The following SLC5A4 variants were observed in gnomAD, a reference collection of about 807,000 sequenced individuals.
SLC5A4 encodes the protein probable glucose sensor protein SLC5A4.
Under a neutral mutation model 70.3 loss-of-function variants are expected in SLC5A4, and 55 were observed. That is an observed-to-expected ratio of 0.78 (90% CI 0.63 to 0.98). SLC5A4 has a LOEUF of 0.98. Among genes scored for constraint, SLC5A4 ranks in the 50% least tolerant of loss-of-function variants. The pLI is 0.00. For missense variants in SLC5A4, 735 were observed against 839.2 expected (o/e 0.88, Z 1.53); for synonymous variants, 268 against 305.7 (o/e 0.88, Z 1.29).
the SLC5A4 span, among the ~76,000 whole-genome samples, chr22:32,302,204 C>T: frequency 2.6e-5 from 4 of 151,556 alleles, no homozygotes; most frequent in South Asian, 8.3e-4. Context: ...AATGTCTCTT[C>T]ATGTCTACTT....
the SLC5A4 span, among the ~76,000 whole-genome samples, chr22:32,336,300 T>C: frequency 6.6e-6 from 1 of 152,236 alleles, no homozygotes; most frequent in East Asian, 1.9e-4. Flanking sequence ...GCCTCTGAGC[T>C]GGAGGCGTAT....
upstream of SLC5A4, among the ~76,000 whole-genome samples, chr22:32,258,229 T>C (rs1429851391): frequency 1.3e-5 from 2 of 152,198 alleles, no homozygotes; most frequent in East Asian, 3.8e-4. Context: ...TCTCATGTCA[T>C]CTGTGAATAG....
the SLC5A4 span, among the ~76,000 whole-genome samples, chr22:32,341,756 T>C: frequency 6.6e-6 from 1 of 152,244 alleles, no homozygotes; most frequent in Non-Finnish European, 1.5e-5. Context: ...CTTCTGCTAA[T>C]GCACTCTGCC....
At chr22:32,258,500 A>T (rs780363376), upstream of SLC5A4, among the ~76,000 whole-genome samples, 2 of 152,158 alleles carry the variant, frequency 1.3e-5, no homozygotes, top group Non-Finnish European at 2.9e-5. Context: ...AACGTCACTA[A>T]TCGTCGGGAA....
the SLC5A4 span, among the ~76,000 whole-genome samples, chr22:32,333,695 A>G: frequency 1.3e-5 from 2 of 151,924 alleles, no homozygotes; most frequent in East Asian, 1.9e-4. Flanking sequence ...TGCTTCCCCA[A>G]CGTCCTTTCT....
chr22:32,243,365 G>C (rs1926642463), intron 5 of SLC5A4, among the ~76,000 whole-genome samples: 1 of 152,176 alleles, frequency 6.6e-6, no homozygotes. Context: ...AGTGAATGTA[G>C]TACCTGACCC....
chr22:32,340,319 T>G, the SLC5A4 span, among the ~76,000 whole-genome samples: 6 of 152,188 alleles, frequency 3.9e-5, no homozygotes, highest in Non-Finnish European at 8.8e-5. Context: ...TCTAGGTGCC[T>G]TCTGTGCACA....
chr22:32,300,692 A>G, the SLC5A4 span, among the ~76,000 whole-genome samples: 3 of 152,218 alleles, frequency 2.0e-5, no homozygotes, highest in Non-Finnish European at 4.4e-5. Context: ...TTCATTAAGC[A>G]TAATATCTGG....
the SLC5A4 span, among the ~76,000 whole-genome samples, chr22:32,323,168 T>A: frequency 1.3e-5 from 2 of 152,114 alleles, no homozygotes; most frequent in Admixed American, 1.3e-4. Flanking sequence ...AGCTTACAGC[T>A]TAGCTCTGTC....
At chr22:32,286,328 G>A in the SLC5A4 span, among the ~76,000 whole-genome samples, 42,916 of 151,984 alleles carry the variant, frequency 0.28, 6,120 homozygotes, top group African/African-American at 0.32. Context: ...AGTGTACAAC[G>A]CTATTTCTGG....
chr22:32,326,594 GA>G, the SLC5A4 span, among the ~76,000 whole-genome samples: 9 of 152,130 alleles, frequency 5.9e-5, no homozygotes, highest in Admixed American at 1.3e-4. Flanking sequence ...ACAGGGACCT[GA>G]AAGGAGGAGA....
At chr22:32,323,169 T>C in the SLC5A4 span, among the ~76,000 whole-genome samples, 1 of 152,074 alleles carries the variant, frequency 6.6e-6, no homozygotes, top group Non-Finnish European at 1.5e-5. Flanking sequence ...GCTTACAGCT[T>C]AGCTCTGTCC....
At chr22:32,341,648 A>C in the SLC5A4 span, among the ~76,000 whole-genome samples, 1 of 152,062 alleles carries the variant, frequency 6.6e-6, no homozygotes, top group Non-Finnish European at 1.5e-5. Context: ...AAACCTACCA[A>C]ATGCTTCTTG....
chr22:32,336,670 CTG>C, the SLC5A4 span, among the ~76,000 whole-genome samples: 1 of 152,214 alleles, frequency 6.6e-6, no homozygotes, highest in African/African-American at 2.4e-5. Context: ...CTCCAAATAG[CTG>C]TGTTAGGTCT....
chr22:32,335,170 C>T, the SLC5A4 span, among the ~76,000 whole-genome samples: 1 of 152,124 alleles, frequency 6.6e-6, no homozygotes, highest in African/African-American at 2.4e-5. Flanking sequence ...CCTGGGACAC[C>T]CCTGCAGCTG....
chr22:32,322,724 G>A, the SLC5A4 span, among the ~76,000 whole-genome samples: 2 of 152,190 alleles, frequency 1.3e-5, no homozygotes, highest in Admixed American at 1.3e-4. Context: ...TCCTGCCCCT[G>A]GGCTTGTGCA....
chr22:32,330,537 G>T, the SLC5A4 span, among the ~76,000 whole-genome samples: 1 of 131,582 alleles, frequency 7.6e-6, no homozygotes, highest in Non-Finnish European at 1.6e-5. Context: ...TCTGTGTTGG[G>T]GGCTCTGGTG....
chr22:32,293,355 T>C, the SLC5A4 span, among the ~76,000 whole-genome samples: 1 of 152,140 alleles, frequency 6.6e-6, no homozygotes, highest in South Asian at 2.1e-4. Flanking sequence ...TTTTATATTC[T>C]TCTTTCTTCT....
At chr22:32,352,433 C>T in the SLC5A4 span, among the ~76,000 whole-genome samples, 1 of 151,784 alleles carries the variant, frequency 6.6e-6, no homozygotes, top group African/African-American at 2.4e-5. Context: ...CCAAGACTAC[C>T]CTGACAAAAA....
Sources: gnomAD v4.1 joint callset for allele counts (sites outside exome capture counted in the v4.1 genomes callset) on GRCh38, gnomAD v4.1.1 for gene constraint, MANE v1.5 for transcripts, NCBI Gene and HGNC (gene_info 2026-07-23, HGNC 2026-07-21) for gene names.